The following C19orf47 variants were observed in gnomAD, a reference collection of about 807,000 sequenced individuals.
The protein encoded by C19orf47 is chromosome 19 open reading frame 47, also known as uncharacterized protein C19orf47.
C19orf47 carries 18 observed loss-of-function variants against 32.3 expected under a neutral mutation model. That is an observed-to-expected ratio of 0.56 (90% CI 0.39 to 0.83). C19orf47 has a LOEUF of 0.83. Among genes scored for constraint, C19orf47 ranks in the 40% least tolerant of loss-of-function variants. The probability of loss-of-function intolerance (pLI) is 0.00; values close to 1 mark genes in which losing one functional copy is unlikely to be tolerated. For missense variants in C19orf47, 484 were observed against 531.6 expected, an observed-to-expected ratio of 0.91 and a Z score of 0.88; for synonymous variants, 202 against 211.1, an observed-to-expected ratio of 0.96 and a Z score of 0.37.
the C19orf47 span, among the ~76,000 whole-genome samples, chr19:40,300,759 G>C: frequency 6.6e-6 from 1 of 152,118 alleles, no homozygotes; most frequent in African/African-American, 2.4e-5. Flanking sequence ...AAATGACTCT[G>C]ACAAGTAGTC....
intron 1 of C19orf47, among the ~76,000 whole-genome samples, chr19:40,344,669 C>T (rs2145623344): frequency 6.6e-6 from 1 of 152,152 alleles, no homozygotes; most frequent in East Asian, 1.9e-4. Context: ...CTGTTTTTAT[C>T]GATGAAAAAC....
the C19orf47 span, among the ~76,000 whole-genome samples, chr19:40,295,318 C>G: frequency 6.6e-6 from 1 of 151,758 alleles, no homozygotes; most frequent in Non-Finnish European, 1.5e-5. Flanking sequence ...CCGTGCCCGG[C>G]CTAAACAGCT....
At chr19:40,295,721 C>T in the C19orf47 span, among the ~76,000 whole-genome samples, 1 of 151,956 alleles carries the variant, frequency 6.6e-6, no homozygotes, top group African/African-American at 2.4e-5. Flanking sequence ...CATGCATGAG[C>T]CACCGTGCCT....
At position 40,328,463 on chromosome 19, in the gene C19orf47, A is replaced by G; in HGVS notation, c.389T>C (p.Ile130Thr). ...PRRPDTSTSK[I>T]SVTVSNKMAA... Reference sequence around the variant, plus strand: ...CATCTTGTTGGACACAGTGACCGAGATCTTGGAGGTGCTGGTGTCCGGGCG... The same window carrying G: ...CATCTTGTTGGACACAGTGACCGAGGTCTTGGAGGTGCTGGTGTCCGGGCG... Residue 130 changes from isoleucine (I) to threonine (T), a missense_variant, in exon 6 of 9, where the codon ATC becomes ACC. By Grantham distance (89) the Ile-to-Thr change is moderately conservative. Around this residue, in one of 3 missense-constraint regions of C19orf47, gnomAD observed 376 missense variants for 370.2 expected, o/e 1.02. Transcript: ENST00000683109. 6.2e-7 allele frequency: 1 copy of G among 1,612,252 alleles called. No individual in the cohort carries two copies.
In C19orf47 at chr19:40,336,326, T is replaced by C; in HGVS notation, c.101A>G (p.Asp34Gly). 6.2e-7 allele frequency: 1 copy of C among 1,614,114 alleles called. No individual in the cohort carries two copies. The change falls in exon 3 of 9, where the codon GAT becomes GGT. Residue 34 changes from aspartate (D) to glycine (G), a missense_variant. Around this residue, in one of 3 missense-constraint regions of C19orf47, gnomAD observed 57 missense variants for 86.9 expected, o/e 0.66. Transcript: ENST00000683109. ...PAVNYAVMFV[D>G]NRIQKSMLLD... ...CCAAGTTCAGCCTCCTCACCTATTA[T>C]CCACAAACATCACGGCATAATTGAC... is the stretch of plus-strand genomic sequence containing the variant.
chr19:40,336,907 G>A (rs181163105), intron 2 of C19orf47, among the ~76,000 whole-genome samples: 6 of 152,234 alleles, frequency 3.9e-5, no homozygotes, highest in Non-Finnish European at 5.9e-5. Flanking sequence ...GCCCCCACCC[G>A]CCACAATAGC....
the C19orf47 span, among the ~76,000 whole-genome samples, chr19:40,305,664 A>G: frequency 6.6e-6 from 1 of 152,216 alleles, no homozygotes. Context: ...TTAAGTCACC[A>G]GGGTGTCTCG....
At chr19:40,335,841 C>T (rs1329291752) in intron 4 of C19orf47, among the ~76,000 whole-genome samples, 1 of 152,192 alleles carries the variant, frequency 6.6e-6, no homozygotes, top group Non-Finnish European at 1.5e-5. Flanking sequence ...AATCTCCTGA[C>T]TTCGTGATCC....
the C19orf47 span, among the ~76,000 whole-genome samples, chr19:40,301,596 T>C: frequency 6.6e-6 from 1 of 151,422 alleles, no homozygotes; most frequent in Non-Finnish European, 1.5e-5. Context: ...TGCCTCAGCC[T>C]CCCAAAGTGC....
At chr19:40,326,989 T>G (rs1431181666) in intron 6 of C19orf47, among the ~76,000 whole-genome samples, 1 of 152,108 alleles carries the variant, frequency 6.6e-6, no homozygotes, top group East Asian at 1.9e-4. Context: ...TCGCAATACT[T>G]TGTTACACTG....
At chr19:40,343,286 C>T (rs144820432) in intron 1 of C19orf47, among the ~76,000 whole-genome samples, 6 of 152,320 alleles carry the variant, frequency 3.9e-5, no homozygotes, top group East Asian at 3.9e-4. Flanking sequence ...CCACCCCATA[C>T]GACCTGTCCC....
At chr19:40,345,778 G>A (rs531092682) in intron 1 of C19orf47, among the ~76,000 whole-genome samples, 1 of 150,838 alleles carries the variant, frequency 6.6e-6, no homozygotes, top group Non-Finnish European at 1.5e-5. Flanking sequence ...GGGCGGGGGG[G>A]GGAGAGGTTG....
chr19:40,332,038 CAA>C (rs781472516), intron 5 of C19orf47, among the ~76,000 whole-genome samples: 7 of 105,268 alleles, frequency 6.6e-5, no homozygotes, highest in Middle Eastern at 5.7e-3. Flanking sequence ...AACTCCATCT[CAA>C]AAAAAAAAAA....
Position 40,324,018 on chromosome 19 carries a change from C to T in C19orf47, c.651G>A (p.Thr217=), listed in dbSNP as rs755618274. ...RLGAETKADT[T]TGSKPTGVFS... ...CATCCCCACTCACTTTACTCCCTGT[C>T]GTGGTGTCTGCCTTGGTCTCGGCGC... Residue 217 remains threonine (T), a synonymous_variant, in exon 8 of 9, where the codon ACG becomes ACA. Transcript: ENST00000683109. The T allele has an allele frequency of 2.0e-5, 32 of 1,614,248 alleles. No homozygotes were observed. In the East Asian group the frequency reaches 2.7e-4, roughly 13 times the overall value.
chr19:40,322,335 C>T lies in C19orf47; in HGVS notation c.705G>A (p.Thr235=), dbSNP rs768154989. 12 of 1,602,052 alleles carry T rather than the reference C, an allele frequency of 7.5e-6. No individual in the cohort carries two copies. Among genetic ancestry groups the T allele is most frequent in the East Asian group, 6.7e-5 (3 of 44,654 alleles). ...VFSRLGATPE[T]DEDLAWDSDN... ...CGCTGTCCCAAGCCAGATCCTCGTC[C>T]GTTTCTGGGGTGGCCCCCAGGCGGC... Residue 235 remains threonine, a synonymous_variant, in exon 9 of 9, where the codon ACG becomes ACA. Transcript: ENST00000683109.
rs140602498 is a variant in C19orf47, at chr19:40,321,951, G to A, written c.1089C>T (p.Gly363=). 3 of 1,613,724 alleles carry A rather than the reference G, an allele frequency of 1.9e-6. No homozygotes were observed. The South Asian group carries it at 3.3e-5, about 18-fold the overall frequency. The stretch of plus-strand genomic sequence containing the variant: ...CCGCGTGGTCCATCTGGGCACCAAG[G>A]CCCTCGCTGGAGCTGCTCCCCCGGG... ...VGPRGSSSSE[G]LGAQMDHAGT... Residue 363 remains glycine (G), a synonymous_variant, in exon 9 of 9, where the codon GGC becomes GGT. Transcript: ENST00000683109.
rs192815715 is a variant in C19orf47 at position 40,348,252 on chromosome 19, G to C, written c.-34+72C>G. ...AGCCGTACAACGGAGCCCGAACTGA[G>C]TCCAGACACCCGGACGCCACCCGTC... On this transcript the variant is annotated intron_variant, in intron 1 of 8. Transcript: ENST00000683109. 1.6e-3 allele frequency: 1,784 copies of C among 1,091,426 alleles called. 31 individuals are homozygous for C. In the African/African-American group the frequency reaches 0.027, roughly 17 times the overall value. 67.6% of individuals were successfully genotyped at this position (1,091,426 alleles called of 1,614,324 possible).
intron 1 of C19orf47, among the ~76,000 whole-genome samples, chr19:40,346,057 G>A (rs1430462394): frequency 2.6e-5 from 4 of 151,152 alleles, no homozygotes; most frequent in Non-Finnish European, 4.4e-5. Flanking sequence ...TCGGGAGGCT[G>A]AGGCAGGAGA....
At chr19:40,315,757 G>C (rs1049462707), downstream of C19orf47, among the ~76,000 whole-genome samples, 3 of 151,514 alleles carry the variant, frequency 2.0e-5, no homozygotes, top group African/African-American at 7.3e-5. Context: ...TCCAGCCTGG[G>C]CGAGAGAGTG....
Sources: allele counts gnomAD v4.1 joint callset (sites outside exome capture counted in the v4.1 genomes callset), GRCh38; gene constraint gnomAD v4.1.1; regional missense constraint gnomAD v4.1.1; transcripts MANE v1.5; gene names NCBI Gene and HGNC (gene_info 2026-07-23, HGNC 2026-07-21).